The following CNTNAP2 variants were observed in gnomAD, a reference collection of about 807,000 sequenced individuals.
The protein encoded by CNTNAP2 is contactin associated protein 2, also known as contactin-associated protein-like 2.
In CNTNAP2, 98 loss-of-function variants were observed where a neutral mutation model predicts 155.2. The ratio of observed to expected loss-of-function variants is 0.63; its 90% CI spans 0.54 to 0.75. The LOEUF (loss-of-function observed/expected upper bound fraction) is 0.75, where lower values mean the gene tolerates loss of function less well. Among genes scored for constraint, CNTNAP2 ranks in the 30% least tolerant of loss-of-function variants. The pLI is 0.00. For missense variants in CNTNAP2, 1,727 were observed against 1,688.1 expected (o/e 1.02, Z -0.40); for synonymous variants, 651 against 631.2 (o/e 1.03, Z -0.47).
At chr7:148,096,668 C>A (rs1446631299) in intron 15 of CNTNAP2, among the ~76,000 whole-genome samples, 4 of 152,042 alleles carry the variant, frequency 2.6e-5, no homozygotes, top group Non-Finnish European at 5.9e-5. Context: ...GCATCGAAAC[C>A]AAACCCCACC....
At chr7:147,332,074 A>T (rs1289333076) in intron 9 of CNTNAP2, among the ~76,000 whole-genome samples, 2 of 152,200 alleles carry the variant, frequency 1.3e-5, no homozygotes, top group African/African-American at 4.8e-5. Flanking sequence ...AAATGAGAAC[A>T]TTGTTATTTG....
intron 3 of CNTNAP2, among the ~76,000 whole-genome samples, chr7:146,994,336 G>A (rs558948988): frequency 4.6e-5 from 7 of 152,130 alleles, no homozygotes; most frequent in Admixed American, 4.6e-4. Context: ...TTTAAGCACA[G>A]CTGAGTGTTA....
At chr7:147,991,857 G>A (rs899227640) in intron 15 of CNTNAP2, among the ~76,000 whole-genome samples, 2 of 152,030 alleles carry the variant, frequency 1.3e-5, no homozygotes, top group South Asian at 2.1e-4. Context: ...AATTAAAACC[G>A]TGTTCCAGTT....
chr7:146,473,718 A>G (rs960556378), intron 1 of CNTNAP2, among the ~76,000 whole-genome samples: 4 of 152,102 alleles, frequency 2.6e-5, no homozygotes, highest in African/African-American at 4.8e-5. Context: ...TGTTTTTGTG[A>G]TACAATTTAT....
At chr7:146,845,402 C>T (rs1217485285) in intron 3 of CNTNAP2, among the ~76,000 whole-genome samples, 1 of 152,160 alleles carries the variant, frequency 6.6e-6, no homozygotes, top group East Asian at 1.9e-4. Flanking sequence ...CTTTATTTCT[C>T]TGTTCCTGAA....
At chr7:147,504,182 T>C (rs1336362941) in intron 11 of CNTNAP2, among the ~76,000 whole-genome samples, 1 of 152,088 alleles carries the variant, frequency 6.6e-6, no homozygotes, top group Non-Finnish European at 1.5e-5. Flanking sequence ...TATTGGCAGC[T>C]CTAGTAGAGA....
chr7:146,407,319 A>G (rs1795806413), intron 1 of CNTNAP2, among the ~76,000 whole-genome samples: 1 of 152,312 alleles, frequency 6.6e-6, no homozygotes, highest in South Asian at 2.1e-4. Context: ...GGAGATAAGT[A>G]TAGTGAGAAT....
At chr7:147,047,275 ATTTTTTT>A (rs35453952) in intron 4 of CNTNAP2, among the ~76,000 whole-genome samples, 13 of 111,386 alleles carry the variant, frequency 1.2e-4, no homozygotes, top group African/African-American at 4.7e-4. Flanking sequence ...CGCCCGGCTA[ATTTTTTT>A]TTTTTTTTTT....
At chr7:147,653,136 A>G (rs1795473246) in intron 13 of CNTNAP2, among the ~76,000 whole-genome samples, 1 of 152,240 alleles carries the variant, frequency 6.6e-6, no homozygotes, top group African/African-American at 2.4e-5. Context: ...AGGTATTTCA[A>G]ATAGAACATA....
chr7:148,331,661 G>C (rs1310398007), intron 21 of CNTNAP2, among the ~76,000 whole-genome samples: 7 of 151,714 alleles, frequency 4.6e-5, no homozygotes, highest in East Asian at 1.9e-4. Context: ...CGGATGGAGT[G>C]GATGGATGGA....
chr7:148,259,031 C>T (rs1796507547), intron 20 of CNTNAP2, among the ~76,000 whole-genome samples: 1 of 151,770 alleles, frequency 6.6e-6, no homozygotes, highest in Admixed American at 6.6e-5. Context: ...CAAAAATTAG[C>T]TGGGCATGGT....
intron 1 of CNTNAP2, among the ~76,000 whole-genome samples, chr7:146,741,684 G>A (rs1302184061): frequency 2.6e-5 from 4 of 152,110 alleles, no homozygotes; most frequent in African/African-American, 9.7e-5. Flanking sequence ...GGCATGGAGG[G>A]TGAGGAATCA....
At chr7:147,335,525 T>C (rs1584881461) in intron 9 of CNTNAP2, among the ~76,000 whole-genome samples, 1 of 152,056 alleles carries the variant, frequency 6.6e-6, no homozygotes, top group African/African-American at 2.4e-5. Context: ...GAAAACAAAA[T>C]CATCAGGAGT....
chr7:147,598,163 CTT>C (rs1563014852), intron 12 of CNTNAP2, among the ~76,000 whole-genome samples: 1 of 97,274 alleles, frequency 1.0e-5, no homozygotes, highest in East Asian at 3.6e-4. Flanking sequence ...GCCTTTCTTT[CTT>C]TCTTTTTTTT....
intron 1 of CNTNAP2, among the ~76,000 whole-genome samples, chr7:146,558,577 TTTA>T (rs1370483445): frequency 2.6e-5 from 4 of 152,156 alleles, no homozygotes; most frequent in Non-Finnish European, 5.9e-5. Context: ...TTTTTATTTA[TTTA>T]TTATTATTAT....
chr7:148,001,577 G>T (rs898540976), intron 15 of CNTNAP2, among the ~76,000 whole-genome samples: 1 of 152,156 alleles, frequency 6.6e-6, no homozygotes, highest in Non-Finnish European at 1.5e-5. Flanking sequence ...TTACATAAAA[G>T]AATTAGGACT....
At chr7:148,173,788 T>TTGTG (rs1794878651) in intron 18 of CNTNAP2, among the ~76,000 whole-genome samples, 1 of 152,238 alleles carries the variant, frequency 6.6e-6, no homozygotes, top group Non-Finnish European at 1.5e-5. Flanking sequence ...TTACCATTCA[T>TTGTG]TGTGCTTGAT....
intron 3 of CNTNAP2, among the ~76,000 whole-genome samples, chr7:146,851,799 G>T (rs1794884455): frequency 6.6e-6 from 1 of 151,778 alleles, no homozygotes; most frequent in African/African-American, 2.4e-5. Context: ...CTCTGTCTCA[G>T]CCTTCTGAGT....
At chr7:147,486,704 A>G (rs1217336627) in intron 11 of CNTNAP2, among the ~76,000 whole-genome samples, 2 of 152,196 alleles carry the variant, frequency 1.3e-5, no homozygotes, top group Non-Finnish European at 2.9e-5. Flanking sequence ...TTAAATAAAA[A>G]ATAAATTTCT....
Sources: allele counts gnomAD v4.1 joint callset (sites outside exome capture counted in the v4.1 genomes callset), GRCh38; gene constraint gnomAD v4.1.1; transcripts MANE v1.5; gene names NCBI Gene and HGNC (gene_info 2026-07-23, HGNC 2026-07-21).